Variants in PCNX2 observed in about 807,000 individuals in gnomAD.
PCNX2 encodes pecanex-like protein 2.
A neutral mutation model predicts 223.8 loss-of-function variants in PCNX2; 168 were observed. The observed-to-expected ratio is 0.75, with a 90% CI of 0.66 to 0.85. The LOEUF is 0.85. Ranked by LOEUF, PCNX2 falls within the 40% of genes least tolerant of loss-of-function variation. PCNX2 has a pLI of 0.00. For missense variants in PCNX2, 2,507 were observed against 2,675.5 expected, an observed-to-expected ratio of 0.94 and a Z score of 1.39; for synonymous variants, 1,006 against 1,052.6, an observed-to-expected ratio of 0.96 and a Z score of 0.86.
chr1:233,190,517 TACGGTTAGA>T (rs1558325835), intron 15 of PCNX2, among the ~76,000 whole-genome samples: 1 of 152,222 alleles, frequency 6.6e-6, no homozygotes, highest in Non-Finnish European at 1.5e-5. Context: ...TGCTTCAAAA[TACGGTTAGA>T]ACATTAAGGT....
chr1:233,093,659 G>A (rs1674001509), intron 22 of PCNX2, among the ~76,000 whole-genome samples: 1 of 152,082 alleles, frequency 6.6e-6, no homozygotes, highest in African/African-American at 2.4e-5. Flanking sequence ...GCCGTCCATG[G>A]GTACGGGGGA....
At chr1:233,316,529 A>T in the PCNX2 span, among the ~76,000 whole-genome samples, 2 of 152,290 alleles carry the variant, frequency 1.3e-5, no homozygotes, top group East Asian at 3.9e-4. Flanking sequence ...AGCTCACAAG[A>T]CCTTCAAAAA....
chr1:233,126,966 C>T lies in PCNX2; in HGVS notation c.3837+8047G>A, dbSNP rs916858369. The stretch of plus-strand genomic sequence containing the variant: ...CCCCCGTATCTATCTGATCACTAAA[C>T]GTAATCAATTCTCTCTCAAACGCCT... On this transcript the variant is annotated intron_variant, in intron 21 of 33. Transcript: ENST00000258229. The surrounding 1 kb of genome is among the most constrained non-coding windows in gnomAD (Gnocchi z 4.8). Among the ~76,000 whole-genome samples the T allele has an allele frequency of 1.4e-4, 22 of 152,228 alleles. No homozygotes were observed. The highest frequency in any genetic ancestry group is 2.8e-4 in the Non-Finnish European group (19 of 68,020).
Position 233,000,476 on chromosome 1 carries a change from C to A in PCNX2, c.5157G>T (p.Gln1719His). ...AGATGACCACCTTCTTCTCGAAGGA[C>A]TGGATGGCCTCGTAGAGGACTGCTG... is the stretch of plus-strand genomic sequence containing the variant. ...EDPAVLYEAI[Q>H]SFEKKVVICH... Residue 1719 changes from glutamine (Q) to histidine (H), a missense_variant, in exon 30 of 34, where the codon CAG becomes CAT. Coordinates refer to ENST00000258229, the MANE Select transcript of PCNX2 (RefSeq NM_014801.4). The surrounding 1 kb of genome is among the most constrained non-coding windows in gnomAD (Gnocchi z 4.6). 6.3e-7 allele frequency: 1 copy of A among 1,598,884 alleles called. No individual in the cohort carries two copies.
At chr1:233,131,311 G>A (rs559485345) in intron 21 of PCNX2, among the ~76,000 whole-genome samples, 11 of 152,130 alleles carry the variant, frequency 7.2e-5, no homozygotes, top group Non-Finnish European at 1.5e-4. Flanking sequence ...CCAGAGAGCC[G>A]TACTACCTGT....
chr1:233,022,190 G>T (rs1033730784), intron 26 of PCNX2, among the ~76,000 whole-genome samples: 97 of 152,300 alleles, frequency 6.4e-4, no homozygotes, highest in African/African-American at 2.2e-3. Context: ...CAGGCCACCA[G>T]ACCCTTGACT....
chr1:233,025,197 G>A lies in PCNX2; in HGVS notation c.4554C>T (p.Thr1518=), dbSNP rs903385259. The change falls in exon 26 of 34, where the codon ACC becomes ACT. Residue 1518 remains threonine (T), a synonymous_variant. Transcript: ENST00000258229. The part of the protein sequence containing the change: ...GYSILDNNAA[T]MLQVFDLRRI... The stretch of plus-strand genomic sequence containing the variant: ...TTCGGAGGTCAAACACCTGCAGCAT[G>A]GTGGCCGCGTTGTTGTCCAGGATGC... 3.1e-6 allele frequency: 5 copies of A among 1,613,930 alleles called. No individual in the cohort carries two copies. Among genetic ancestry groups the A allele is most frequent in the Non-Finnish European group, 4.2e-6 (5 of 1,179,906 alleles).
At chr1:233,324,369 C>G in the PCNX2 span, among the ~76,000 whole-genome samples, 1 of 152,188 alleles carries the variant, frequency 6.6e-6, no homozygotes, top group African/African-American at 2.4e-5. Context: ...AAGATGCCAT[C>G]TAGGACTTTC....
At chr1:233,025,814 T>C (rs1671062273) in intron 25 of PCNX2, among the ~76,000 whole-genome samples, 1 of 152,186 alleles carries the variant, frequency 6.6e-6, no homozygotes, top group Admixed American at 6.5e-5. Context: ...ATTGTAAGGA[T>C]GAAATAAAAT....
At chr1:233,086,201 G>T (rs1673590876) in intron 23 of PCNX2, among the ~76,000 whole-genome samples, 1 of 152,152 alleles carries the variant, frequency 6.6e-6, no homozygotes, top group Non-Finnish European at 1.5e-5. Context: ...CCAAGGAGAG[G>T]TTCGGAATGG....
chr1:233,289,660 G>A (rs114307831), intron 1 of PCNX2, among the ~76,000 whole-genome samples: 3 of 152,342 alleles, frequency 2.0e-5, no homozygotes, highest in African/African-American at 4.8e-5. Context: ...GCCCCCAGAA[G>A]TGGAAGGACC....
At chr1:233,172,905 C>T (rs1679242574) in intron 17 of PCNX2, among the ~76,000 whole-genome samples, 1 of 152,206 alleles carries the variant, frequency 6.6e-6, no homozygotes, top group Admixed American at 6.5e-5. Context: ...CTCTCTCTCA[C>T]TTTCTGAAAC....
intron 23 of PCNX2, among the ~76,000 whole-genome samples, chr1:233,069,109 A>G (rs1048886178): frequency 6.6e-6 from 1 of 152,198 alleles, no homozygotes; most frequent in Non-Finnish European, 1.5e-5. Context: ...GAAGTTTACC[A>G]AAGACAGAAA....
At chr1:233,276,479 T>G (rs970707344) in intron 1 of PCNX2, among the ~76,000 whole-genome samples, 1 of 152,238 alleles carries the variant, frequency 6.6e-6, no homozygotes, top group Non-Finnish European at 1.5e-5. Flanking sequence ...GGACATTCTA[T>G]GTTATATACA....
intron 32 of PCNX2, among the ~76,000 whole-genome samples, chr1:232,992,935 C>T (rs1669753044): frequency 6.6e-6 from 1 of 152,162 alleles, no homozygotes; most frequent in African/African-American, 2.4e-5. Flanking sequence ...TTTCCTGAGG[C>T]CTCCCCAGCC....
intron 12 of PCNX2, among the ~76,000 whole-genome samples, 182 bp downstream of exon 12, chr1:233,217,717 C>T (rs1052328382): frequency 1.3e-5 from 2 of 152,262 alleles, no homozygotes; most frequent in East Asian, 3.9e-4. Context: ...CCACACCATG[C>T]TCTCAGACTT....
chr1:233,113,471 C>T (rs542076216), intron 21 of PCNX2, among the ~76,000 whole-genome samples: 1 of 152,280 alleles, frequency 6.6e-6, no homozygotes, highest in African/African-American at 2.4e-5. Context: ...GCCACCCAAC[C>T]CCTGCATCCA....
chr1:233,156,242 T>C (rs1025741716), intron 19 of PCNX2, among the ~76,000 whole-genome samples: 1 of 152,254 alleles, frequency 6.6e-6, no homozygotes, highest in Admixed American at 6.5e-5. Context: ...AATATCTATT[T>C]CCATTTATCA....
At chr1:233,059,262 C>T (rs979432524) in intron 23 of PCNX2, among the ~76,000 whole-genome samples, 10 of 152,166 alleles carry the variant, frequency 6.6e-5, no homozygotes, top group African/African-American at 2.4e-4. Context: ...TGTACCTGTA[C>T]CTCTCTTTTG....
Sources: gnomAD v4.1 joint callset for allele counts (sites outside exome capture counted in the v4.1 genomes callset) on GRCh38, gnomAD v4.1.1 for gene constraint, Gnocchi (gnomAD v3.1) non-coding constraint, MANE v1.5 for transcripts, NCBI Gene and HGNC (gene_info 2026-07-23, HGNC 2026-07-21) for gene names.